The following CBFA2T3 variants were observed in gnomAD, a reference collection of about 807,000 sequenced individuals.
The protein encoded by CBFA2T3 is transcriptional corepressor CBFA2T3.
A neutral mutation model predicts 58.6 loss-of-function variants in CBFA2T3; 31 were observed. The observed-to-expected ratio is 0.53, with a 90% CI of 0.40 to 0.71. The LOEUF is 0.71. Among genes scored for constraint, CBFA2T3 ranks in the 30% least tolerant of loss-of-function variants. The pLI, the probability that CBFA2T3 is intolerant of heterozygous loss-of-function variation, is 0.00. For missense variants in CBFA2T3, 1,076 were observed against 963.1 expected, an observed-to-expected ratio of 1.12 and a Z score of -1.55; for synonymous variants, 531 against 421.9, an observed-to-expected ratio of 1.26 and a Z score of -3.17.
chr16:88,922,097 T>A (rs1367098764), intron 1 of CBFA2T3, among the ~76,000 whole-genome samples: 3 of 152,166 alleles, frequency 2.0e-5, no homozygotes, highest in Non-Finnish European at 4.4e-5. Flanking sequence ...GGCCAGGACA[T>A]CCCGGGAGCT....
intron 1 of CBFA2T3, among the ~76,000 whole-genome samples, chr16:88,969,017 C>T (rs937113867): frequency 4.6e-5 from 7 of 152,338 alleles, no homozygotes; most frequent in Non-Finnish European, 8.8e-5. Flanking sequence ...AGCAAGCCCT[C>T]AGCAGACCCA....
At chr16:88,972,604 G>A (rs1247705225) in intron 1 of CBFA2T3, among the ~76,000 whole-genome samples, 1 of 152,224 alleles carries the variant, frequency 6.6e-6, no homozygotes, top group Non-Finnish European at 1.5e-5. Context: ...CGAGCCTGGG[G>A]CTGGACTCCA....
At position 88,876,674 on chromosome 16, in the gene CBFA2T3, C is replaced by T. The variant is rs1022059712; in HGVS notation, c.*302G>A. 1 of 368,836 alleles carries T rather than the reference C, an allele frequency of 2.7e-6. No individual in the cohort carries two copies. Among genetic ancestry groups the T allele is most frequent in the African/African-American group, 2.1e-5 (1 of 48,092 alleles). 22.8% of individuals were successfully genotyped at this position (368,836 alleles called of 1,614,324 possible). A position where few individuals can be genotyped will look rare whatever the true frequency, so the allele number is the denominator to read the frequency against. On this transcript the variant is annotated 3_prime_UTR_variant, in exon 12 of 12. Transcript: ENST00000268679. Reference sequence around the variant, plus strand: ...GGCAGAGCCGCCGCGCCTGCGGCATCTGCTCTGCTGTCTAAAGCTCAGTCG... The same window carrying T: ...GGCAGAGCCGCCGCGCCTGCGGCATTTGCTCTGCTGTCTAAAGCTCAGTCG...
intron 1 of CBFA2T3, among the ~76,000 whole-genome samples, chr16:88,914,236 CTG>C (rs996272781): frequency 1.3e-5 from 2 of 152,214 alleles, no homozygotes; most frequent in Non-Finnish European, 2.9e-5. Context: ...CAGCAACACT[CTG>C]TGATGCTAGA....
At position 88,885,425 on chromosome 16, in the gene CBFA2T3, C is replaced by G. The variant is rs1969323225; in HGVS notation, c.894-156G>C. On this transcript the variant is annotated intron_variant, in intron 6 of 11. Coordinates refer to ENST00000268679, the MANE Select transcript of CBFA2T3 (RefSeq NM_005187.6). The surrounding 1 kb of genome is among the most constrained non-coding windows in gnomAD (Gnocchi z 5.3). ...GGAGCAAAACACCAGCCCCGGGAAG[C>G]CCAGCCCGGCGCCCCCACTCTCTGC... Among the ~76,000 whole-genome samples, 1 of 152,064 alleles carries G rather than the reference C, an allele frequency of 6.6e-6. No homozygotes were observed. The highest frequency in any genetic ancestry group is 2.4e-5 in the African/African-American group (1 of 41,374).
intron 1 of CBFA2T3, among the ~76,000 whole-genome samples, chr16:88,965,276 G>A (rs1972473239): frequency 6.6e-6 from 1 of 152,224 alleles, no homozygotes. Context: ...TCTGCCCTTT[G>A]TTTTTAAGGC....
At chr16:88,880,814 G>A (rs1162821787) in intron 9 of CBFA2T3, 26 bp from the exon 10 acceptor site, 3 of 1,564,098 alleles carry the variant, frequency 1.9e-6, no homozygotes, top group South Asian at 1.2e-5. Flanking sequence ...GCGTCACACA[G>A]GATGGGCCAC....
At chr16:88,880,568 T>A in intron 10 of CBFA2T3, 152 bp downstream of exon 10, 1 of 678,022 alleles carries the variant, frequency 1.5e-6, no homozygotes, top group Non-Finnish European at 2.5e-6. Flanking sequence ...TACTCTGACC[T>A]CTCCGTGAGC....
At chr16:88,916,371 CACAT>C (rs1326067216) in intron 1 of CBFA2T3, among the ~76,000 whole-genome samples, 1 of 151,226 alleles carries the variant, frequency 6.6e-6, no homozygotes, top group Admixed American at 6.6e-5. Flanking sequence ...TATGCACTTA[CACAT>C]ACATGGGGGT....
chr16:88,975,670 A>G (rs926470365), intron 1 of CBFA2T3, among the ~76,000 whole-genome samples: 2 of 152,262 alleles, frequency 1.3e-5, no homozygotes, highest in Admixed American at 1.3e-4. Flanking sequence ...CGGCCTTTGC[A>G]TTCCGGGCAC....
chr16:88,875,339 G>C lies in CBFA2T3; in HGVS notation c.*1637C>G, dbSNP rs1968790808. 4.3e-6 allele frequency: 1 copy of C among 233,542 alleles called. No individual in the cohort carries two copies. Among genetic ancestry groups the C allele is most frequent in the East Asian group, 6.0e-5 (1 of 16,588 alleles). The allele number at this position is 233,542 out of a possible 1,614,324, so 14.5% of individuals were successfully genotyped here. A position where few individuals can be genotyped will look rare whatever the true frequency, so the allele number is the denominator to read the frequency against. Reference sequence around the variant, plus strand: ...GGCAGTTGAGAGGAGTGGAGGGAGGGTGGGCAGGGCTGGAGGATGGGAGGG... The same window carrying C: ...GGCAGTTGAGAGGAGTGGAGGGAGGCTGGGCAGGGCTGGAGGATGGGAGGG... On this transcript the variant is annotated 3_prime_UTR_variant, in exon 12 of 12. Transcript: ENST00000268679.
At chr16:88,887,259 G>GA (rs1969417613) in intron 5 of CBFA2T3, 1 of 152,262 alleles carries the variant, frequency 6.6e-6, no homozygotes, top group African/African-American at 2.4e-5. Context: ...TTGGATGGCT[G>GA]AACAGGGGCC....
chr16:88,958,436 C>A lies in CBFA2T3; in HGVS notation c.151+18221G>T, dbSNP rs747514303. On this transcript the variant is annotated intron_variant, in intron 1 of 11. Transcript: ENST00000268679. This position sits in a 1 kb window ranked among gnomAD's most constrained non-coding sequence, Gnocchi z 4.0. ...GTGGGGGTGTTAGAGTAATGCCAGG[C>A]GGGGCGGCGGGGGAAGAAGGTTCTG... Among the ~76,000 whole-genome samples the A allele has an allele frequency of 2.5e-5, 3 of 120,414 alleles. No homozygotes were observed. The highest frequency in any genetic ancestry group is 2.4e-4 in the South Asian group (1 of 4,156). The allele number at this position is 120,414 out of a possible 152,430, so 79.0% of individuals were successfully genotyped here. A position where few individuals can be genotyped will look rare whatever the true frequency, so the allele number is the denominator to read the frequency against.
intron 1 of CBFA2T3, among the ~76,000 whole-genome samples, chr16:88,903,690 CT>C (rs1383375917): frequency 3.2e-5 from 1 of 30,826 alleles, no homozygotes; most frequent in African/African-American, 1.7e-4. Context: ...GGGGGCATTC[CT>C]GGGGGGGGCG....
intron 7 of CBFA2T3, 177 bp downstream of exon 7, chr16:88,884,869 C>A: frequency 1.8e-6 from 1 of 561,142 alleles, no homozygotes; most frequent in South Asian, 2.3e-5. Context: ...CAGGACAGGC[C>A]CCTCTGCAGC....
chr16:88,905,710 TGGAGGGGCGGGGCTGAA>T (rs1171212338), intron 1 of CBFA2T3, among the ~76,000 whole-genome samples: 8 of 39,990 alleles, frequency 2.0e-4, no homozygotes, highest in East Asian at 1.1e-3. Context: ...GGGGCGGGGC[TGGAGGGGCGGGGCTGAA>T]GGAGGGGCGG....
intron 1 of CBFA2T3, among the ~76,000 whole-genome samples, chr16:88,922,888 C>T (rs1228780571): frequency 6.6e-6 from 1 of 152,140 alleles, no homozygotes; most frequent in African/African-American, 2.4e-5. Context: ...TATATAATCA[C>T]GATGAAAACA....
chr16:88,878,025 G>T (rs564474742), intron 11 of CBFA2T3, among the ~76,000 whole-genome samples: 2 of 152,332 alleles, frequency 1.3e-5, no homozygotes, highest in South Asian at 4.1e-4. Flanking sequence ...CAGCTTCCCT[G>T]CGGACTAGGC....
In CBFA2T3 at chr16:88,886,003, A is replaced by G; in HGVS notation, c.851T>C (p.Leu284Pro). The G allele has an allele frequency of 6.4e-7, 1 of 1,558,164 alleles. No individual in the cohort carries two copies. The highest frequency in any genetic ancestry group is 8.7e-7 in the Non-Finnish European group (1 of 1,151,888). ...CTTGCCGTTCTCGTTGACTTCCAGTAGCAGCTCTGAGGAGTCGATGGGGGA... is the reference window on the plus strand; with the variant it reads ...CTTGCCGTTCTCGTTGACTTCCAGTGGCAGCTCTGAGGAGTCGATGGGGGA... ...ASSPIDSSEL[L>P]LEVNENGKRR... The change falls in exon 6 of 12, where the codon CTA (leucine) becomes CCA (proline). Residue 284 changes from leucine to proline, a missense_variant. Coordinates refer to ENST00000268679, the MANE Select transcript of CBFA2T3 (RefSeq NM_005187.6).
Sources: gnomAD v4.1 joint callset for allele counts (sites outside exome capture counted in the v4.1 genomes callset) on GRCh38, gnomAD v4.1.1 for gene constraint, Gnocchi (gnomAD v3.1) non-coding constraint, MANE v1.5 for transcripts, NCBI Gene and HGNC (gene_info 2026-07-23, HGNC 2026-07-21) for gene names.